The following DUOX2 variants were observed in gnomAD, a reference collection of about 807,000 sequenced individuals.
DUOX2 encodes NADH/NADPH thyroid oxidase p138-tox.
A neutral mutation model predicts 183.3 loss-of-function variants in DUOX2; 185 were observed. The observed-to-expected ratio is 1.01, with a 90% confidence interval of 0.90 to 1.14. DUOX2 has a LOEUF of 1.14. Ranked by LOEUF, DUOX2 falls within the 50% of genes most tolerant of loss-of-function variation. The probability of loss-of-function intolerance (pLI) is 0.00; values close to 1 mark genes in which losing one functional copy is unlikely to be tolerated. For synonymous variants in DUOX2, 788 were observed against 812.4 expected (o/e 0.97, Z 0.51); for missense variants, 1,999 against 2,022.9 (o/e 0.99, Z 0.23).
In DUOX2 at chr15:45,100,113, G is replaced by T. The variant is rs769625467; in HGVS notation, c.3121C>A (p.His1041Asn). ...YKRFVENYRR[H>N]IVCVAIFSAI... ...GAGAAGATTGCCACACACACGATGTGCCTCCGGTAGTTCTCCACGAAGCGC... is the reference window on the plus strand; with the variant it reads ...GAGAAGATTGCCACACACACGATGTTCCTCCGGTAGTTCTCCACGAAGCGC... The change falls in exon 24 of 34, where the codon CAC becomes AAC. Residue 1041 changes from histidine (H) to asparagine (N), a missense_variant. Transcript: ENST00000389039. The T allele has an allele frequency of 1.9e-6, 3 of 1,614,216 alleles. No homozygotes were observed. Among genetic ancestry groups the T allele is most frequent in the Non-Finnish European group, 2.5e-6 (3 of 1,180,038 alleles).
chr15:45,108,743 C>T (rs2141154410), intron 12 of DUOX2, 46 bp downstream of exon 12: 3 of 1,595,620 alleles, frequency 1.9e-6, no homozygotes, highest in Non-Finnish European at 1.7e-6. Flanking sequence ...AACAGTATTG[C>T]CATAGGAAAG....
chr15:45,109,373 A>G (rs1171929175), intron 11 of DUOX2, 151 bp downstream of exon 11: 1 of 689,240 alleles, frequency 1.5e-6, no homozygotes, highest in South Asian at 1.7e-5. Flanking sequence ...AAAAAAGTTC[A>G]AAGTTCATTT....
chr15:45,111,606 G>A (rs1894412918), intron 5 of DUOX2, 21 bp from the exon 6 acceptor site: 1 of 1,518,934 alleles, frequency 6.6e-7, no homozygotes, highest in Non-Finnish European at 8.8e-7. Flanking sequence ...CGCGGCGGGT[G>A]AGCCCGGGTC....
At chr15:45,099,319 C>T (rs185660553) in intron 26 of DUOX2, 64 bp downstream of exon 26, 6 of 1,511,162 alleles carry the variant, frequency 4.0e-6, no homozygotes, top group Non-Finnish European at 5.5e-6. Flanking sequence ...CTGCCTATTT[C>T]TTTTTCTATT....
chr15:45,106,445 C>A (rs1183200864), intron 16 of DUOX2, 83 bp downstream of exon 16: 7 of 1,588,870 alleles, frequency 4.4e-6, no homozygotes, highest in Non-Finnish European at 6.0e-6. Flanking sequence ...TTTCCTCTCA[C>A]TCTGTAACTT....
At chr15:45,097,856 C>T in intron 27 of DUOX2, 115 bp from the exon 28 acceptor site, 1 of 1,582,322 alleles carries the variant, frequency 6.3e-7, no homozygotes, top group Non-Finnish European at 8.7e-7. Context: ...TCCGGGGCCC[C>T]CAGAAAAGCC....
rs943062464 is a variant in DUOX2 at position 45,099,335 on chromosome 15, C to T, written c.3515+48G>A. The T allele has an allele frequency of 2.6e-6, 4 of 1,562,768 alleles. No homozygotes were observed. In the African/African-American group the frequency reaches 4.1e-5, roughly 16 times the overall value. ...TGCCTATTTCTTTTTCTATTATACC[C>T]TTGGGCCCACCCTATGAGTCCCAGG... On this transcript the variant is annotated intron_variant, in intron 26 of 33. Transcript: ENST00000389039.
chr15:45,100,265 GGCC>G, intron 23 of DUOX2, 37 bp from the exon 24 acceptor site: 2 of 1,593,602 alleles, frequency 1.3e-6, no homozygotes. Context: ...GTGTGGTAAG[GGCC>G]CTCTGGCCTT....
chr15:45,113,952 G>T (rs1285169097), intron 1 of DUOX2, 21 bp downstream of exon 1: 1 of 193,204 alleles, frequency 5.2e-6, no homozygotes, highest in Non-Finnish European at 1.1e-5. Context: ...GCTAGGGTCA[G>T]ATCCCAAACT....
intron 26 of DUOX2, 169 bp downstream of exon 26, chr15:45,099,214 G>A (rs1005346105): frequency 5.3e-6 from 3 of 571,044 alleles, no homozygotes; most frequent in South Asian, 3.4e-5. Flanking sequence ...GTTTCACCGT[G>A]TTAGCCAGGA....
In DUOX2 at chr15:45,106,581, T is replaced by C. The variant is rs558159350; in HGVS notation, c.1892A>G (p.Gln631Arg). ...YFRGREHKKL[Q>R]KKLKESVKKE... is the part of the protein sequence containing the mutation. ...CTTCACGCTCTCTTTGAGTTTCTTT[T>C]GTAGCTTCTTGTGTTCTCGGCCCCG... The change falls in exon 16 of 34, where the codon CAA (glutamine) becomes CGA (arginine). Residue 631 changes from glutamine to arginine, a missense_variant. Gln to Arg is a conservative substitution (Grantham distance 43, BLOSUM62 1). Around this residue, in one of 3 missense-constraint regions of DUOX2, gnomAD observed 1,628 missense variants for 1,608.6 expected, o/e 1.01. Coordinates refer to ENST00000389039, the MANE Select transcript of DUOX2 (RefSeq NM_001363711.2). 1 of 1,614,208 alleles carries C rather than the reference T, an allele frequency of 6.2e-7. No individual in the cohort carries two copies. The highest frequency in any genetic ancestry group is 1.1e-5 in the South Asian group (1 of 91,084).
Position 45,101,752 on chromosome 15 carries a change from C to A in DUOX2, c.2851+41G>T, listed in dbSNP as rs766181521. On this transcript the variant is annotated intron_variant, in intron 21 of 33. Coordinates refer to ENST00000389039, the MANE Select transcript of DUOX2 (RefSeq NM_001363711.2). ...ACCAGGAACTCTCATTTTGAGGACA[C>A]GCCCCCCCTCCCTGACGCCAACCAT... 3 of 1,613,052 alleles carry A rather than the reference C, an allele frequency of 1.9e-6. 1 individual carries two copies. The South Asian group carries it at 3.3e-5, about 18-fold the overall frequency.
chr15:45,099,125 C>G (rs1893985324), intron 26 of DUOX2: 9 of 396,438 alleles, frequency 2.3e-5, no homozygotes, highest in Non-Finnish European at 3.9e-5. Context: ...ATTCTCCTGC[C>G]TCAGCCTCCC....
rs376983373 is a variant in DUOX2, at chr15:45,101,979, C to T, written c.2665G>A (p.Glu889Lys). Residue 889 changes from glutamate (E) to lysine (K), a missense_variant, in exon 21 of 34, where the codon GAG (glutamate) becomes AAG (lysine). By Grantham distance (56) the Glu-to-Lys change is moderately conservative. This residue lies in a region of DUOX2 where 1,628 missense variants were observed against 1,608.6 expected (regional missense o/e 1.01). Transcript: ENST00000389039. ...EFFTMMRSFI[E>K]ISNNCLSKAQ... ...TTGGACAGGCAGTTGTTGGAGATCT[C>T]GATGAAGGATCTGGAGGAGGACCAG... 7.4e-6 allele frequency: 12 copies of T among 1,614,052 alleles called. No homozygotes were observed. The highest frequency in any genetic ancestry group is 7.6e-6 in the Non-Finnish European group (9 of 1,180,052).
chr15:45,099,965 G>A, intron 24 of DUOX2, 73 bp from the exon 25 acceptor site: 1 of 1,611,692 alleles, frequency 6.2e-7, no homozygotes, highest in South Asian at 1.1e-5. Context: ...CTCCCATGCA[G>A]ACTCTTAGGA....
chr15:45,107,969 G>C, intron 13 of DUOX2, 78 bp downstream of exon 13: 2 of 1,548,188 alleles, frequency 1.3e-6, no homozygotes, highest in African/African-American at 2.7e-5. Flanking sequence ...GGGCTCATAG[G>C]GGCTGTCTAA....
chr15:45,094,553 T>A lies in DUOX2; in HGVS notation c.4524+10A>T. 1 of 1,609,364 alleles carries A rather than the reference T, an allele frequency of 6.2e-7. No individual in the cohort carries two copies. Among genetic ancestry groups the A allele is most frequent in the South Asian group, 1.1e-5 (1 of 90,388 alleles). ...GCCAGAGTCCCAGGGTGGGAGGGAGTGGGACTGACCTGTGGGTGGACCTCC... is the reference window on the plus strand; with the variant it reads ...GCCAGAGTCCCAGGGTGGGAGGGAGAGGGACTGACCTGTGGGTGGACCTCC... On this transcript the variant is annotated intron_variant, in intron 33 of 33. Transcript: ENST00000389039.
In DUOX2 at chr15:45,111,295, G is replaced by A. The variant is rs1390910251; in HGVS notation, c.716-18C>T. On this transcript the variant is annotated intron_variant, in intron 6 of 33. Coordinates refer to ENST00000389039, the MANE Select transcript of DUOX2 (RefSeq NM_001363711.2). ...CCCGAAGGCTGCATCCGACGTGGGGGCGCAGGGGAGGAGACGAGCGGTAGC... is the reference window on the plus strand; with the variant it reads ...CCCGAAGGCTGCATCCGACGTGGGGACGCAGGGGAGGAGACGAGCGGTAGC... 1.1e-5 allele frequency: 15 copies of A among 1,367,530 alleles called. No individual in the cohort carries two copies. Among genetic ancestry groups the A allele is most frequent in the Admixed American group, 5.4e-5 (2 of 37,220 alleles). The allele number at this position is 1,367,530 out of a possible 1,614,324, so 84.7% of individuals were successfully genotyped here.
chr15:45,111,510 T>C lies in DUOX2; in HGVS notation c.589A>G (p.Ser197Gly). 6.4e-7 allele frequency: 1 copy of C among 1,551,668 alleles called. No homozygotes were observed. Among genetic ancestry groups the C allele is most frequent in the Non-Finnish European group, 8.7e-7 (1 of 1,151,316 alleles). The part of the protein sequence containing the change: ...SSHSWSDALR[S>G]FSGGQLASGP... ...GACGCCAGCTGTCCCCCCGAGAAGCTCCGCAGCGCGTCGCTCCAGGAGTGC... is the reference window on the plus strand; with the variant it reads ...GACGCCAGCTGTCCCCCCGAGAAGCCCCGCAGCGCGTCGCTCCAGGAGTGC... Residue 197 changes from serine (S) to glycine (G), a missense_variant, in exon 6 of 34, where the codon AGC becomes GGC. This residue lies in a region of DUOX2 where 356 missense variants were observed against 356.4 expected (regional missense o/e 1.00). Coordinates refer to ENST00000389039, the MANE Select transcript of DUOX2 (RefSeq NM_001363711.2).
Sources: gnomAD v4.1 joint callset for allele counts on GRCh38, gnomAD v4.1.1 for gene constraint, gnomAD v4.1.1 regional missense constraint, MANE v1.5 for transcripts, NCBI Gene and HGNC (gene_info 2026-07-23, HGNC 2026-07-21) for gene names.